Variants in HCN1 observed in about 807,000 individuals in gnomAD.
HCN1 encodes hyperpolarization activated cyclic nucleotide gated potassium channel 1.
HCN1 carries 13 observed loss-of-function variants against 78.9 expected under a neutral mutation model. The observed-to-expected ratio is 0.16, with a 90% CI of 0.11 to 0.26. The LOEUF (loss-of-function observed/expected upper bound fraction) is 0.26. Among genes scored for constraint, HCN1 ranks in the 10% least tolerant of loss-of-function variants. HCN1 has a pLI of 1.00. For synonymous variants in HCN1, 552 were observed against 455.5 expected (o/e 1.21, Z -2.70); for missense variants, 810 against 1,154.3 (o/e 0.70, Z 4.32).
At chr5:45,380,667 C>G (rs890964236) in intron 4 of HCN1, among the ~76,000 whole-genome samples, 5 of 151,988 alleles carry the variant, frequency 3.3e-5, no homozygotes. Flanking sequence ...GGCCATGACA[C>G]CTAATAAGAC....
intron 1 of HCN1, among the ~76,000 whole-genome samples, chr5:45,672,368 A>G (rs2112077091): frequency 6.6e-6 from 1 of 151,606 alleles, no homozygotes; most frequent in Non-Finnish European, 1.5e-5. Context: ...TGATAGTAAA[A>G]GCTTCTTTAG....
At chr5:45,570,910 T>G (rs952253167) in intron 2 of HCN1, among the ~76,000 whole-genome samples, 3 of 152,128 alleles carry the variant, frequency 2.0e-5, no homozygotes, top group South Asian at 4.1e-4. Context: ...CAAGTATATT[T>G]TTCTATTCTA....
chr5:45,445,497 C>T (rs926278109), intron 3 of HCN1, among the ~76,000 whole-genome samples: 1 of 152,210 alleles, frequency 6.6e-6, no homozygotes. Flanking sequence ...CCTCTGCAGA[C>T]CTAAATGTCC....
chr5:45,353,388 T>G (rs2111983405), intron 4 of HCN1, 142 bp from the exon 5 acceptor site: 1 of 650,474 alleles, frequency 1.5e-6, no homozygotes, highest in South Asian at 1.9e-5. Flanking sequence ...AGGAACTAAT[T>G]TACCTGGGTC....
chr5:45,375,188 A>T (rs1747585840), intron 4 of HCN1, among the ~76,000 whole-genome samples: 1 of 120,764 alleles, frequency 8.3e-6, no homozygotes, highest in South Asian at 2.2e-4. Context: ...ATAATGTATT[A>T]TATATAATAT....
At chr5:45,315,936 A>G (rs1302740657) in intron 5 of HCN1, among the ~76,000 whole-genome samples, 1 of 152,158 alleles carries the variant, frequency 6.6e-6, no homozygotes, top group Non-Finnish European at 1.5e-5. Context: ...CTTACCAACC[A>G]AAAAAAGTAC....
intron 2 of HCN1, chr5:45,559,499 T>C (rs547098955): frequency 6.6e-6 from 1 of 152,332 alleles, no homozygotes; most frequent in Non-Finnish European, 1.5e-5. Flanking sequence ...TGGATGACTG[T>C]GAGGGGTTCA....
intron 2 of HCN1, among the ~76,000 whole-genome samples, chr5:45,598,632 C>A (rs1744556673): frequency 6.6e-6 from 1 of 152,138 alleles, no homozygotes; most frequent in Non-Finnish European, 1.5e-5. Flanking sequence ...GAACAGGCAA[C>A]CTACAGAATG....
intron 2 of HCN1, among the ~76,000 whole-genome samples, chr5:45,613,253 T>C (rs954672257): frequency 6.7e-5 from 10 of 149,684 alleles, no homozygotes; most frequent in Non-Finnish European, 1.3e-4. Flanking sequence ...GAATATGCGG[T>C]GTTTGGTATT....
At chr5:45,426,826 C>T (rs1264869972) in intron 3 of HCN1, among the ~76,000 whole-genome samples, 1 of 152,020 alleles carries the variant, frequency 6.6e-6, no homozygotes, top group Non-Finnish European at 1.5e-5. Flanking sequence ...ATTTCTTCTC[C>T]AATTGCCTGC....
At chr5:45,396,895 A>G (rs923063008) in intron 3 of HCN1, among the ~76,000 whole-genome samples, 185 bp from the exon 4 acceptor site, 1 of 152,202 alleles carries the variant, frequency 6.6e-6, no homozygotes, top group Non-Finnish European at 1.5e-5. Flanking sequence ...CTTTCTTACT[A>G]TGATGAAGTG....
chr5:45,366,587 T>C lies in HCN1; in HGVS notation c.1231-13341A>G, dbSNP rs573369116. Among the ~76,000 whole-genome samples the C allele has an allele frequency of 3.3e-5, 5 of 151,908 alleles. No individual in the cohort carries two copies. The East Asian group carries it at 7.7e-4, about 24-fold the overall frequency. On this transcript the variant is annotated intron_variant, in intron 4 of 7. Coordinates refer to ENST00000303230, the MANE Select transcript of HCN1 (RefSeq NM_021072.4). ...CTCTAGTTTGTTTGAAATGCAACTGTTTCTATCTTATTGTTTGTAGCTTTC... is the reference window on the plus strand; with the variant it reads ...CTCTAGTTTGTTTGAAATGCAACTGCTTCTATCTTATTGTTTGTAGCTTTC...
At chr5:45,542,585 C>T (rs994178087) in intron 2 of HCN1, among the ~76,000 whole-genome samples, 1 of 152,108 alleles carries the variant, frequency 6.6e-6, no homozygotes, top group Non-Finnish European at 1.5e-5. Flanking sequence ...GTGGTGACAG[C>T]GAGCAGACCA....
At chr5:45,615,883 T>C (rs1289249534) in intron 2 of HCN1, among the ~76,000 whole-genome samples, 1 of 151,834 alleles carries the variant, frequency 6.6e-6, no homozygotes, top group Non-Finnish European at 1.5e-5. Flanking sequence ...TAGCTTGAAA[T>C]GCAACAGTTA....
chr5:45,392,470 A>C (rs1004007267), intron 4 of HCN1, among the ~76,000 whole-genome samples: 5 of 152,172 alleles, frequency 3.3e-5, no homozygotes, highest in Admixed American at 3.3e-4. Flanking sequence ...TAATGATTAC[A>C]TATTACTCCT....
chr5:45,562,165 C>CGT (rs1164962634), intron 2 of HCN1, among the ~76,000 whole-genome samples: 18 of 151,970 alleles, frequency 1.2e-4, no homozygotes, highest in Non-Finnish European at 2.6e-4. Flanking sequence ...TGGCCCTGTC[C>CGT]TTAAACCTGT....
At chr5:45,518,776 G>A (rs1250852288) in intron 2 of HCN1, among the ~76,000 whole-genome samples, 1 of 151,986 alleles carries the variant, frequency 6.6e-6, no homozygotes, top group African/African-American at 2.4e-5. Flanking sequence ...TTGTTGAAAA[G>A]AGGGAAGGGA....
intron 5 of HCN1, among the ~76,000 whole-genome samples, chr5:45,309,319 T>C (rs554473985): frequency 2.8e-4 from 42 of 152,110 alleles, no homozygotes; most frequent in Non-Finnish European, 4.9e-4. Flanking sequence ...CAAACAGGGA[T>C]AGCTTGACTT....
intron 2 of HCN1, chr5:45,559,992 T>A (rs2111875557): frequency 6.6e-6 from 1 of 152,332 alleles, no homozygotes; most frequent in East Asian, 1.9e-4. Flanking sequence ...CAGGACTTGC[T>A]AAAAGTTTAA....
Sources: allele counts gnomAD v4.1 joint callset (sites outside exome capture counted in the v4.1 genomes callset), GRCh38; gene constraint gnomAD v4.1.1; transcripts MANE v1.5; gene names NCBI Gene and HGNC (gene_info 2026-07-23, HGNC 2026-07-21).